Variants in COPA observed in about 807,000 individuals in gnomAD.
The protein encoded by COPA is coatomer subunit alpha.
Under a neutral mutation model 158.7 loss-of-function variants are expected in COPA, and 10 were observed. The ratio of observed to expected loss-of-function variants is 0.06; its 90% confidence interval spans 0.04 to 0.11. The LOEUF (loss-of-function observed/expected upper bound fraction) is 0.11, where lower values mean the gene tolerates loss of function less well. COPA is among the 10% of genes least tolerant of loss of function. The pLI, the probability that COPA is intolerant of heterozygous loss-of-function variation, is 1.00. For missense variants in COPA, 1,065 were observed against 1,536.7 expected, an observed-to-expected ratio of 0.69 and a Z score of 5.13; for synonymous variants, 462 against 542.8, an observed-to-expected ratio of 0.85 and a Z score of 2.07.
intron 17 of COPA, among the ~76,000 whole-genome samples, chr1:160,301,719 G>C (rs1483527599): frequency 6.6e-6 from 1 of 152,154 alleles, no homozygotes; most frequent in East Asian, 1.9e-4. Flanking sequence ...GTTGCAGTGA[G>C]CCAAGATTGT....
chr1:160,310,495 T>C (rs1658928891), intron 11 of COPA: 1 of 312,738 alleles, frequency 3.2e-6, no homozygotes, highest in Non-Finnish European at 5.9e-6. Flanking sequence ...AGTCAAATTA[T>C]TCAACAGAAG....
rs539218723 is a variant in COPA, at chr1:160,292,754, T to C, written c.2824-134A>G. 4.5e-5 allele frequency: 30 copies of C among 664,600 alleles called. No homozygotes were observed. In the East Asian group the frequency reaches 8.2e-4, roughly 18 times the overall value. The allele number at this position is 664,600 out of a possible 1,614,324, so 41.2% of individuals were successfully genotyped here. A position where few individuals can be genotyped will look rare whatever the true frequency, so the allele number is the denominator to read the frequency against. Reference sequence around the variant, plus strand: ...ACACTTAATTGTAAGACCTACCTCATTTAATGATACCTATTAAAGTATTTA... The same window carrying C: ...ACACTTAATTGTAAGACCTACCTCACTTAATGATACCTATTAAAGTATTTA... On this transcript the variant is annotated intron_variant, in intron 27 of 32. Coordinates refer to ENST00000241704, the MANE Select transcript of COPA (RefSeq NM_004371.4).
intron 25 of COPA, among the ~76,000 whole-genome samples, chr1:160,293,940 G>A (rs2101823450): frequency 6.6e-6 from 1 of 152,312 alleles, no homozygotes; most frequent in Non-Finnish European, 1.5e-5. Flanking sequence ...CCTCACCAGT[G>A]ACAAAATGAC....
At chr1:160,336,584 G>A (rs1385432109) in intron 3 of COPA, among the ~76,000 whole-genome samples, 2 of 152,026 alleles carry the variant, frequency 1.3e-5, no homozygotes, top group Non-Finnish European at 2.9e-5. Context: ...AAAGTACTAG[G>A]CATCAATGAA....
At chr1:160,309,017 T>A in intron 13 of COPA, 84 bp downstream of exon 13, 1 of 1,089,046 alleles carries the variant, frequency 9.2e-7, no homozygotes, top group Non-Finnish European at 1.4e-6. Context: ...GGCTTGGGGA[T>A]GGAATGTGAA....
chr1:160,339,110 TTTATTTCTCCTTATTGGCCC>T (rs780457692), intron 3 of COPA, among the ~76,000 whole-genome samples: 3 of 132,312 alleles, frequency 2.3e-5, no homozygotes, highest in Non-Finnish European at 4.5e-5. Context: ...AGTCAGCTCA[TTTATTTCTCCTTATTGGCCC>T]TTATTTCTCC....
chr1:160,330,698 A>G (rs73029420), intron 6 of COPA, among the ~76,000 whole-genome samples: 50 of 152,322 alleles, frequency 3.3e-4, no homozygotes, highest in African/African-American at 1.0e-3. Flanking sequence ...CCATGCCACA[A>G]TGGAGTTGGG....
At chr1:160,307,389 C>T in intron 13 of COPA, 144 bp from the exon 14 acceptor site, 1 of 739,586 alleles carries the variant, frequency 1.4e-6, no homozygotes, top group Non-Finnish European at 2.4e-6. Flanking sequence ...CAGCCATAAC[C>T]TGGGGCTATT....
At chr1:160,315,828 A>G (rs1029717112) in intron 8 of COPA, among the ~76,000 whole-genome samples, 3 of 152,262 alleles carry the variant, frequency 2.0e-5, no homozygotes, top group African/African-American at 7.2e-5. Flanking sequence ...TCTCTGACCA[A>G]GAATTAAAAC....
Position 160,293,170 on chromosome 1 carries a change from A to G in COPA, c.2819T>C (p.Met940Thr). Residue 940 changes from methionine to threonine, a missense_variant, in exon 27 of 33, where the codon ATG (methionine) becomes ACG (threonine). Coordinates refer to ENST00000241704, the MANE Select transcript of COPA (RefSeq NM_004371.4). ...GGAAAAGCCAAGGTTACTTACCCGC[A>G]TGGCTGTTTCGAAAGAGCCTGCCAG... is the stretch of plus-strand genomic sequence containing the variant. Reference protein sequence around the residue: ...HILAGSFETAMRLLHDQVGVI... With the variant: ...HILAGSFETATRLLHDQVGVI... The G allele has an allele frequency of 6.2e-7, 1 of 1,614,186 alleles. No homozygotes were observed. Among genetic ancestry groups the G allele is most frequent in the Non-Finnish European group, 8.5e-7 (1 of 1,180,026 alleles).
At chr1:160,320,413 C>T (rs1659292753) in intron 8 of COPA, among the ~76,000 whole-genome samples, 2 of 151,576 alleles carry the variant, frequency 1.3e-5, no homozygotes, top group African/African-American at 4.8e-5. Context: ...AGTTCAAGAC[C>T]AGCCTGGACA....
intron 19 of COPA, among the ~76,000 whole-genome samples, chr1:160,298,433 G>T (rs991502559): frequency 6.6e-6 from 1 of 152,172 alleles, no homozygotes; most frequent in Non-Finnish European, 1.5e-5. Context: ...AAGAAGTTCA[G>T]AACTGGAAAA....
chr1:160,331,413 G>A (rs986868892), intron 6 of COPA, among the ~76,000 whole-genome samples: 12 of 152,196 alleles, frequency 7.9e-5, no homozygotes, highest in African/African-American at 2.9e-4. Context: ...AGCACTTTGG[G>A]AGGCTGAGGC....
Position 160,289,929 on chromosome 1 carries a change from A to G in COPA, c.*228T>C. The G allele has an allele frequency of 2.0e-6, 1 of 493,348 alleles. No individual in the cohort carries two copies. The allele number at this position is 493,348 out of a possible 1,614,324, so 30.6% of individuals were successfully genotyped here. On this transcript the variant is annotated 3_prime_UTR_variant, in exon 33 of 33. Coordinates refer to ENST00000241704, the MANE Select transcript of COPA (RefSeq NM_004371.4). ...TGTTCCTTAAAATAATTAAGCTGGA[A>G]AGGCAAGGACAATTATGAGCACAAC...
At chr1:160,301,252 C>T (rs1248989475) in intron 17 of COPA, among the ~76,000 whole-genome samples, 1 of 152,102 alleles carries the variant, frequency 6.6e-6, no homozygotes, top group African/African-American at 2.4e-5. Flanking sequence ...GCATCCCAAA[C>T]AGGAAATCTG....
intron 1 of COPA, among the ~76,000 whole-genome samples, chr1:160,341,788 C>T (rs1050229753): frequency 2.6e-5 from 4 of 151,924 alleles, no homozygotes; most frequent in African/African-American, 9.7e-5. Flanking sequence ...AATTTTTCTT[C>T]TAAATTGTCT....
chr1:160,300,344 AAAAT>A (rs36034271), intron 17 of COPA, among the ~76,000 whole-genome samples: 60,041 of 138,674 alleles, frequency 0.43, 13,355 homozygotes, highest in East Asian at 0.59. Context: ...ACTCCGACTC[AAAAT>A]AAATAAATAA....
At chr1:160,292,307 T>C in intron 28 of COPA, 109 bp from the exon 29 acceptor site, 1 of 1,549,658 alleles carries the variant, frequency 6.5e-7, no homozygotes, top group Non-Finnish European at 8.8e-7. Flanking sequence ...CCTGTTAAAG[T>C]AGCTGGGGAA....
intron 6 of COPA, chr1:160,326,104 T>A (rs1032339624): frequency 1.2e-5 from 2 of 165,598 alleles, no homozygotes; most frequent in Non-Finnish European, 2.7e-5. Flanking sequence ...TTCTTTTTTT[T>A]AAAGAATAGT....
Sources: gnomAD v4.1 joint callset for allele counts (sites outside exome capture counted in the v4.1 genomes callset) on GRCh38, gnomAD v4.1.1 for gene constraint, MANE v1.5 for transcripts, NCBI Gene and HGNC (gene_info 2026-07-23, HGNC 2026-07-21) for gene names.